WWOX: variants seen among roughly 807,000 people sequenced by gnomAD.
The protein encoded by WWOX is WW domain-containing oxidoreductase.
A neutral mutation model predicts 46.2 loss-of-function variants in WWOX; 69 were observed. The ratio of observed to expected loss-of-function variants is 1.49; its 90% CI spans 1.23 to 1.82. WWOX has a LOEUF of 1.82. Ranked by LOEUF, WWOX falls within the 40% of genes most tolerant of loss-of-function variation. The pLI, the probability that WWOX is intolerant of heterozygous loss-of-function variation, is 0.00. For missense variants in WWOX, 919 were observed against 542.6 expected, an observed-to-expected ratio of 1.69 and a Z score of -6.89; for synonymous variants, 359 against 202.6, an observed-to-expected ratio of 1.77 and a Z score of -6.56.
chr16:78,256,305 T>G (rs971067363), intron 5 of WWOX, among the ~76,000 whole-genome samples: 7 of 152,002 alleles, frequency 4.6e-5, no homozygotes, highest in African/African-American at 1.7e-4. Context: ...AGCTGGAAAT[T>G]GTCACCCCCT....
intron 8 of WWOX, among the ~76,000 whole-genome samples, chr16:78,593,300 C>G (rs2045395334): frequency 6.6e-6 from 1 of 152,114 alleles, no homozygotes; most frequent in Non-Finnish European, 1.5e-5. Flanking sequence ...CTCGGCCTCC[C>G]AAAGTGCTGG....
At chr16:79,132,454 A>G (rs1226663182) in intron 8 of WWOX, among the ~76,000 whole-genome samples, 1 of 152,162 alleles carries the variant, frequency 6.6e-6, no homozygotes, top group African/African-American at 2.4e-5. Context: ...GTGTTTCGTG[A>G]TTAAAATAAT....
chr16:78,936,357 C>T (rs1012446363), intron 8 of WWOX, among the ~76,000 whole-genome samples: 2 of 152,098 alleles, frequency 1.3e-5, no homozygotes, highest in Non-Finnish European at 1.5e-5. Context: ...TGACTCTGAA[C>T]CTTTTGAAGA....
intron 8 of WWOX, among the ~76,000 whole-genome samples, chr16:78,774,454 G>T (rs2050138232): frequency 6.6e-6 from 1 of 151,996 alleles, no homozygotes; most frequent in Admixed American, 6.5e-5. Flanking sequence ...ACGTTGGTGT[G>T]TCTCATGTCA....
At chr16:78,334,790 C>G (rs968352982) in intron 5 of WWOX, among the ~76,000 whole-genome samples, 1 of 140,344 alleles carries the variant, frequency 7.1e-6, no homozygotes, top group Non-Finnish European at 1.5e-5. Flanking sequence ...AAAGTCTCCC[C>G]TCCACACACA....
chr16:78,641,873 G>A (rs1488788088), intron 8 of WWOX, among the ~76,000 whole-genome samples: 4 of 152,268 alleles, frequency 2.6e-5, no homozygotes, highest in African/African-American at 7.2e-5. Context: ...ACGGGGAGCC[G>A]AAATTATTTC....
intron 8 of WWOX, among the ~76,000 whole-genome samples, chr16:78,583,197 A>G (rs1330525786): frequency 6.6e-6 from 1 of 152,118 alleles, no homozygotes; most frequent in Non-Finnish European, 1.5e-5. Context: ...TGTTCCTGAA[A>G]CTCAGGAGGC....
intron 8 of WWOX, among the ~76,000 whole-genome samples, chr16:78,763,700 A>C (rs2049851026): frequency 6.6e-6 from 1 of 152,158 alleles, no homozygotes; most frequent in South Asian, 2.1e-4. Context: ...TGTTCCACGA[A>C]GTTGTTATTT....
chr16:78,523,479 G>A (rs78128605), intron 8 of WWOX, among the ~76,000 whole-genome samples: 36 of 152,324 alleles, frequency 2.4e-4, no homozygotes, highest in South Asian at 1.7e-3. Context: ...CACGGGCTTA[G>A]TAGCAATTCT....
In WWOX at chr16:78,333,003, C is replaced by G. The variant is rs567767749; in HGVS notation, c.517-53857C>G. Among the ~76,000 whole-genome samples, 92 of 138,796 alleles carry G rather than the reference C, an allele frequency of 6.6e-4. 1 individual carries two copies. The highest frequency in any genetic ancestry group is 2.4e-3 in the African/African-American group (90 of 38,106). The allele number at this position is 138,796 out of a possible 152,430, so 91.1% of individuals were successfully genotyped here. A position where few individuals can be genotyped will look rare whatever the true frequency, so the allele number is the denominator to read the frequency against. ...TAAAACAATCTTTTTAACCAAGATT[C>G]TTCGCTTGGGTATTCTGAGTAGCAT... On this transcript the variant is annotated intron_variant, in intron 5 of 8. Transcript: ENST00000566780.
At chr16:78,646,023 A>C (rs2046832071) in intron 8 of WWOX, among the ~76,000 whole-genome samples, 1 of 151,040 alleles carries the variant, frequency 6.6e-6, no homozygotes, top group African/African-American at 2.4e-5. Flanking sequence ...TTTTAGGTTT[A>C]TTTGTGACCT....
chr16:78,790,169 C>G (rs1250868778), intron 8 of WWOX, among the ~76,000 whole-genome samples: 3 of 152,006 alleles, frequency 2.0e-5, no homozygotes, highest in Non-Finnish European at 4.4e-5. Context: ...CAGGGTCTTG[C>G]TCTGTTGCCC....
intron 8 of WWOX, among the ~76,000 whole-genome samples, chr16:78,670,658 G>A (rs1297067875): frequency 6.6e-6 from 1 of 151,836 alleles, no homozygotes; most frequent in Non-Finnish European, 1.5e-5. Flanking sequence ...TGGAAATAAG[G>A]CCTTTTTAAT....
At chr16:78,298,693 A>G (rs2079984577) in intron 5 of WWOX, among the ~76,000 whole-genome samples, 1 of 151,996 alleles carries the variant, frequency 6.6e-6, no homozygotes, top group Admixed American at 6.6e-5. Flanking sequence ...TAGGAGGCTG[A>G]GGCAGGAGAA....
chr16:78,674,887 C>G (rs1441045503), intron 8 of WWOX, among the ~76,000 whole-genome samples: 4 of 149,906 alleles, frequency 2.7e-5, no homozygotes, highest in Non-Finnish European at 5.9e-5. Flanking sequence ...ACAATGTGGT[C>G]TTTGGTGACA....
At chr16:78,806,686 A>G (rs1173353455) in intron 8 of WWOX, among the ~76,000 whole-genome samples, 1 of 152,074 alleles carries the variant, frequency 6.6e-6, no homozygotes, top group Non-Finnish European at 1.5e-5. Context: ...ATTGCCTTTT[A>G]TGGCCTTCCA....
intron 8 of WWOX, among the ~76,000 whole-genome samples, chr16:78,989,317 C>T (rs755021322): frequency 1.3e-5 from 2 of 152,168 alleles, no homozygotes; most frequent in East Asian, 1.9e-4. Flanking sequence ...GAGCTAAATA[C>T]ATTAGCTTAT....
intron 8 of WWOX, among the ~76,000 whole-genome samples, chr16:78,913,630 C>G (rs1344114631): frequency 1.3e-5 from 2 of 148,172 alleles, no homozygotes; most frequent in African/African-American, 2.4e-5. Flanking sequence ...AAGCATTACC[C>G]CAACCAATAC....
At chr16:78,475,426 G>GT (rs1261235971) in intron 8 of WWOX, among the ~76,000 whole-genome samples, 5 of 152,192 alleles carry the variant, frequency 3.3e-5, no homozygotes, top group South Asian at 2.1e-4. Context: ...ATTTTGCTTA[G>GT]TTTTTTTCCC....
Sources: gnomAD v4.1 joint callset for allele counts (sites outside exome capture counted in the v4.1 genomes callset) on GRCh38, gnomAD v4.1.1 for gene constraint, MANE v1.5 for transcripts, NCBI Gene and HGNC (gene_info 2026-07-23, HGNC 2026-07-21) for gene names.